LEPR: variants seen among roughly 807,000 people sequenced by gnomAD.
LEPR encodes leptin receptor, also known as OB receptor.
Under a neutral mutation model 114.7 loss-of-function variants are expected in LEPR, and 56 were observed. The ratio of observed to expected loss-of-function variants is 0.49; its 90% CI spans 0.39 to 0.61. The LOEUF (loss-of-function observed/expected upper bound fraction) is 0.61. LEPR is among the 20% of genes least tolerant of loss of function. The pLI is 0.00. For synonymous variants in LEPR, 443 were observed against 461.4 expected, an observed-to-expected ratio of 0.96 and a Z score of 0.51; for missense variants, 1,202 against 1,352.9, an observed-to-expected ratio of 0.89 and a Z score of 1.75.
chr1:65,504,138 G>C (rs1648603906), intron 2 of LEPR, among the ~76,000 whole-genome samples: 1 of 152,076 alleles, frequency 6.6e-6, no homozygotes, highest in Admixed American at 6.6e-5. Context: ...TATGATTCAG[G>C]TATATATACA....
intron 2 of LEPR, among the ~76,000 whole-genome samples, chr1:65,535,691 A>T (rs1181650610): frequency 1.4e-4 from 21 of 152,134 alleles, no homozygotes; most frequent in Admixed American, 1.2e-3. Context: ...GGATGCAAAG[A>T]AACAATCTAT....
chr1:65,428,962 A>G (rs930011120), intron 2 of LEPR, among the ~76,000 whole-genome samples: 7 of 152,254 alleles, frequency 4.6e-5, no homozygotes, highest in Middle Eastern at 3.4e-3. Context: ...ACTAGTGAGC[A>G]TATTTATTTT....
intron 4 of LEPR, among the ~76,000 whole-genome samples, 190 bp downstream of exon 4, chr1:65,570,992 T>A (rs925062687): frequency 6.6e-6 from 1 of 152,286 alleles, no homozygotes; most frequent in South Asian, 2.1e-4. Flanking sequence ...CATAAAAATA[T>A]AATGAGGGAA....
intron 2 of LEPR, among the ~76,000 whole-genome samples, chr1:65,546,880 T>C (rs1172252381): frequency 6.6e-6 from 1 of 152,200 alleles, no homozygotes; most frequent in African/African-American, 2.4e-5. Flanking sequence ...CATCCCTGTC[T>C]TGTGCCAGTT....
At chr1:65,598,598 C>T in intron 7 of LEPR, 62 bp from the exon 8 acceptor site, 1 of 1,602,816 alleles carries the variant, frequency 6.2e-7, no homozygotes, top group Non-Finnish European at 8.5e-7. Context: ...AGCTTATCCT[C>T]ACTTTTAGTA....
intron 19 of LEPR, chr1:65,626,147 C>G: frequency 6.2e-7 from 1 of 1,612,370 alleles, no homozygotes. Context: ...AAAGGAACTA[C>G]TGGGTGGAGG....
At chr1:65,577,515 A>G (rs140168714) in intron 5 of LEPR, 27 of 168,230 alleles carry the variant, frequency 1.6e-4, no homozygotes, top group South Asian at 5.1e-4. Flanking sequence ...AGGACTTTAC[A>G]TGCTGTATTC....
At chr1:65,460,151 T>C (rs567466004) in intron 2 of LEPR, among the ~76,000 whole-genome samples, 13 of 151,082 alleles carry the variant, frequency 8.6e-5, no homozygotes, top group Admixed American at 2.0e-4. Flanking sequence ...ATAAGAAGAG[T>C]ACCCGGCAAG....
chr1:65,635,467 G>A, intron 19 of LEPR: 1 of 749,698 alleles, frequency 1.3e-6, no homozygotes, highest in Non-Finnish European at 1.6e-6. Context: ...CATGTCCATA[G>A]TAAATATTTT....
chr1:65,458,577 T>C (rs1446270925), intron 2 of LEPR, among the ~76,000 whole-genome samples: 1 of 152,162 alleles, frequency 6.6e-6, no homozygotes, highest in Non-Finnish European at 1.5e-5. Flanking sequence ...GGTTTTTGTT[T>C]TGTTTTTGTT....
At chr1:65,449,260 C>CTTTTTTTTTTTTTTT (rs201429452) in intron 2 of LEPR, among the ~76,000 whole-genome samples, 9 of 118,560 alleles carry the variant, frequency 7.6e-5, no homozygotes, top group African/African-American at 2.8e-4. Flanking sequence ...TTTTATTTAT[C>CTTTTTTTTTTTTTTT]TTTTTTTTTT....
Position 65,601,571 on chromosome 1 carries a change from A to G in LEPR, c.1174A>G (p.Thr392Ala). 1.2e-6 allele frequency: 2 copies of G among 1,613,810 alleles called. No individual in the cohort carries two copies. Among genetic ancestry groups the G allele is most frequent in the Admixed American group, 1.7e-5 (1 of 60,012 alleles). Residue 392 changes from threonine (T) to alanine (A), a missense_variant, in exon 9 of 20, where the codon ACT (threonine) becomes GCT (alanine). Transcript: ENST00000349533. ...DVVSDHVSKV[T>A]FFNLNETKPR... Reference sequence around the variant, plus strand: ...TGTGAGTGATCATGTTAGCAAAGTTACTTTTTTCAATCTGAATGAAACCAA... The same window carrying G: ...TGTGAGTGATCATGTTAGCAAAGTTGCTTTTTTCAATCTGAATGAAACCAA...
At chr1:65,553,493 C>T (rs761911625) in intron 2 of LEPR, among the ~76,000 whole-genome samples, 10 of 151,854 alleles carry the variant, frequency 6.6e-5, no homozygotes, top group East Asian at 1.9e-4. Flanking sequence ...TCCTTTCTTC[C>T]GCTTGTTCAA....
At chr1:65,572,301 T>TTG in intron 4 of LEPR, 25 bp from the exon 5 acceptor site, 7 of 1,369,106 alleles carry the variant, frequency 5.1e-6, no homozygotes, top group Non-Finnish European at 4.8e-6. Context: ...TTTTTTTTTT[T>TTG]TTTTTTTTTT....
chr1:65,564,900 A>T (rs888885970), intron 2 of LEPR, among the ~76,000 whole-genome samples: 2 of 152,208 alleles, frequency 1.3e-5, no homozygotes, highest in Non-Finnish European at 2.9e-5. Flanking sequence ...TATTTGTGAT[A>T]CTCCAACTTG....
At chr1:65,439,614 C>G (rs1031430996) in intron 2 of LEPR, among the ~76,000 whole-genome samples, 6 of 151,864 alleles carry the variant, frequency 4.0e-5, no homozygotes, top group African/African-American at 1.5e-4. Context: ...GTCAGGAGTT[C>G]AAGACCAGCC....
intron 17 of LEPR, 131 bp downstream of exon 17, chr1:65,620,154 A>C: frequency 6.9e-6 from 5 of 727,578 alleles, no homozygotes; most frequent in Non-Finnish European, 1.2e-5. Context: ...TAGATTTTTC[A>C]TGGTGAGGTT....
chr1:65,491,707 G>C (rs1647880839), intron 2 of LEPR, among the ~76,000 whole-genome samples: 1 of 152,054 alleles, frequency 6.6e-6, no homozygotes, highest in Non-Finnish European at 1.5e-5. Context: ...AGATCATCTT[G>C]ATTATTTTAC....
intron 2 of LEPR, among the ~76,000 whole-genome samples, chr1:65,464,295 G>T (rs964263798): frequency 6.6e-6 from 1 of 152,178 alleles, no homozygotes; most frequent in Non-Finnish European, 1.5e-5. Context: ...TGTGGATTTT[G>T]TCTTTGGTCC....
Sources: allele counts gnomAD v4.1 joint callset (sites outside exome capture counted in the v4.1 genomes callset), GRCh38; gene constraint gnomAD v4.1.1; transcripts MANE v1.5; gene names NCBI Gene and HGNC (gene_info 2026-07-23, HGNC 2026-07-21).